UBE2D2: variants seen among roughly 807,000 people sequenced by gnomAD.
UBE2D2 encodes the protein ubiquitin-conjugating enzyme E2 D2.
In UBE2D2, 2 loss-of-function variants were observed where a neutral mutation model predicts 24.2. The ratio of observed to expected loss-of-function variants is 0.08; its 90% CI spans 0.03 to 0.26. The LOEUF (loss-of-function observed/expected upper bound fraction) is 0.26, where lower values mean the gene tolerates loss of function less well. Among genes scored for constraint, UBE2D2 ranks in the 10% least tolerant of loss-of-function variants. The pLI is 1.00. For synonymous variants in UBE2D2, 58 were observed against 56.5 expected, an observed-to-expected ratio of 1.03 and a Z score of -0.12; for missense variants, 44 against 177.6, an observed-to-expected ratio of 0.25 and a Z score of 4.28.
intron 2 of UBE2D2, among the ~76,000 whole-genome samples, chr5:139,607,493 T>C (rs1369756764): frequency 1.3e-5 from 2 of 152,226 alleles, no homozygotes; most frequent in Admixed American, 6.6e-5. Context: ...TATGTGTTTT[T>C]GCTCATTTTT....
intron 1 of UBE2D2, among the ~76,000 whole-genome samples, chr5:139,536,792 C>T (rs1259217634): frequency 6.6e-6 from 1 of 152,092 alleles, no homozygotes; most frequent in Non-Finnish European, 1.5e-5. Context: ...ACCCGGCCCA[C>T]TTGCTTACCT....
At chr5:139,605,071 T>G (rs1754169951) in intron 2 of UBE2D2, among the ~76,000 whole-genome samples, 6 of 152,178 alleles carry the variant, frequency 3.9e-5, no homozygotes, top group Admixed American at 3.9e-4. Flanking sequence ...CTTTTGACTA[T>G]CCTGGTACCC....
intron 1 of UBE2D2, among the ~76,000 whole-genome samples, chr5:139,583,761 C>T (rs1420275114): frequency 6.6e-6 from 1 of 151,674 alleles, no homozygotes; most frequent in Non-Finnish European, 1.5e-5. Context: ...GACTCCATCT[C>T]GAAAGAAAAA....
At chr5:139,548,193 A>AAAAAATAAAT in intron 1 of UBE2D2, among the ~76,000 whole-genome samples, 49 of 47,094 alleles carry the variant, frequency 1.0e-3, no homozygotes, top group Middle Eastern at 9.8e-3. Context: ...ATAAAAAAAA[A>AAAAAATAAAT]AAATAAATAA....
intron 1 of UBE2D2, among the ~76,000 whole-genome samples, chr5:139,571,362 G>T (rs574788116): frequency 6.7e-6 from 1 of 149,510 alleles, no homozygotes. Context: ...TGCCGAGGTC[G>T]TGCCACTGTA....
At chr5:139,547,721 G>T (rs1385907387) in intron 1 of UBE2D2, among the ~76,000 whole-genome samples, 1 of 151,628 alleles carries the variant, frequency 6.6e-6, no homozygotes, top group Non-Finnish European at 1.5e-5. Context: ...TTGAGACGGA[G>T]TCTCGCTCTG....
intron 1 of UBE2D2, among the ~76,000 whole-genome samples, chr5:139,546,864 TCCTTCC>T (rs1752837565): frequency 6.7e-6 from 1 of 148,512 alleles, no homozygotes; most frequent in Admixed American, 6.7e-5. Flanking sequence ...CTTCCTTCCT[TCCTTCC>T]TTTCTTTCCT....
At chr5:139,593,279 C>T (rs895639431) in intron 1 of UBE2D2, among the ~76,000 whole-genome samples, 1 of 152,082 alleles carries the variant, frequency 6.6e-6, no homozygotes, top group African/African-American at 2.4e-5. Context: ...TAGGCATGAG[C>T]CACTGCACCT....
intron 1 of UBE2D2, among the ~76,000 whole-genome samples, chr5:139,530,649 G>A (rs939965505): frequency 1.3e-5 from 2 of 152,190 alleles, no homozygotes; most frequent in Non-Finnish European, 1.5e-5. Context: ...AATAGTTCTT[G>A]ACAACTTGGT....
intron 1 of UBE2D2, among the ~76,000 whole-genome samples, chr5:139,537,925 C>T (rs571051522): frequency 2.7e-5 from 4 of 150,694 alleles, no homozygotes; most frequent in African/African-American, 4.9e-5. Context: ...GATCGTGCCA[C>T]TGCACTCCAT....
At chr5:139,584,515 T>C (rs1257311210) in intron 1 of UBE2D2, among the ~76,000 whole-genome samples, 3 of 148,744 alleles carry the variant, frequency 2.0e-5, no homozygotes, top group African/African-American at 7.7e-5. Context: ...AACACCTTTT[T>C]CTTTTTTCTT....
chr5:139,624,244 A>G (rs1381694254), intron 6 of UBE2D2, among the ~76,000 whole-genome samples: 1 of 152,230 alleles, frequency 6.6e-6, no homozygotes, highest in East Asian at 1.9e-4. Flanking sequence ...GAATTGTACT[A>G]TGAATTATTG....
intron 1 of UBE2D2, among the ~76,000 whole-genome samples, chr5:139,540,581 T>C (rs1362041716): frequency 6.6e-6 from 1 of 151,722 alleles, no homozygotes; most frequent in African/African-American, 2.4e-5. Context: ...GCTATCTAAT[T>C]ATCTGTTATT....
intron 1 of UBE2D2, among the ~76,000 whole-genome samples, chr5:139,597,541 C>T (rs554649062): frequency 6.6e-6 from 1 of 152,232 alleles, no homozygotes; most frequent in African/African-American, 2.4e-5. Flanking sequence ...TGATGTTATT[C>T]AGCATGGAAA....
At chr5:139,612,733 A>G (rs1754349247) in intron 2 of UBE2D2, among the ~76,000 whole-genome samples, 1 of 152,158 alleles carries the variant, frequency 6.6e-6, no homozygotes, top group African/African-American at 2.4e-5. Flanking sequence ...TATATTTGTG[A>G]TTAAAAATAG....
At chr5:139,601,498 C>CTTG (rs1186011417) in intron 2 of UBE2D2, among the ~76,000 whole-genome samples, 1 of 152,144 alleles carries the variant, frequency 6.6e-6, no homozygotes, top group East Asian at 1.9e-4. Context: ...GTCCGAGCTA[C>CTTG]TTGGAAGGCT....
upstream of UBE2D2, among the ~76,000 whole-genome samples, chr5:139,556,522 A>G (rs1752982605): frequency 6.6e-6 from 1 of 152,196 alleles, no homozygotes; most frequent in South Asian, 2.1e-4. Context: ...TTGAACAACA[A>G]ATAAGGACAA....
intron 1 of UBE2D2, among the ~76,000 whole-genome samples, chr5:139,541,535 G>T (rs756433675): frequency 1.3e-5 from 2 of 149,122 alleles, no homozygotes; most frequent in African/African-American, 5.0e-5. Flanking sequence ...AGGAGGCAGA[G>T]GTTGCAGTGA....
rs561145029 is a variant in UBE2D2, at chr5:139,628,128, A to G, written c.*1327A>G. 1.3e-5 allele frequency: 2 copies of G among 152,782 alleles called. No homozygotes were observed. Among genetic ancestry groups the G allele is most frequent in the African/African-American group, 4.8e-5 (2 of 41,578 alleles). 9.5% of individuals were successfully genotyped at this position (152,782 alleles called of 1,614,324 possible). A position where few individuals can be genotyped will look rare whatever the true frequency, so the allele number is the denominator to read the frequency against. Reference sequence around the variant, plus strand: ...GCACAGTCTTGTTTGGAGAGTCTACATAATTACTTTGCACTAACATTTGCA... The same window carrying G: ...GCACAGTCTTGTTTGGAGAGTCTACGTAATTACTTTGCACTAACATTTGCA... On this transcript the variant is annotated 3_prime_UTR_variant, in exon 7 of 7. Coordinates refer to ENST00000398733, the MANE Select transcript of UBE2D2 (RefSeq NM_003339.3).
Sources: allele counts gnomAD v4.1 joint callset (sites outside exome capture counted in the v4.1 genomes callset), GRCh38; gene constraint gnomAD v4.1.1; transcripts MANE v1.5; gene names NCBI Gene and HGNC (gene_info 2026-07-23, HGNC 2026-07-21).